The following C12orf42 variants were observed in gnomAD, a reference collection of about 807,000 sequenced individuals.
C12orf42 encodes the protein chromosome 12 open reading frame 42, also known as uncharacterized protein C12orf42.
In C12orf42, 25 loss-of-function variants were observed where a neutral mutation model predicts 21.6. The observed-to-expected ratio is 1.16, with a 90% CI of 0.84 to 1.62. The LOEUF is 1.62. Among genes scored for constraint, C12orf42 ranks in the 40% most tolerant of loss-of-function variants. The pLI is 0.00. For missense variants in C12orf42, 483 were observed against 459.3 expected (o/e 1.05, Z -0.47); for synonymous variants, 174 against 175.0 (o/e 0.99, Z 0.05).
intron 2 of C12orf42, among the ~76,000 whole-genome samples, chr12:103,411,790 A>G (rs2048869291): frequency 6.6e-6 from 1 of 152,246 alleles, no homozygotes; most frequent in Non-Finnish European, 1.5e-5. Context: ...TACCCTATCT[A>G]AAGTATTTTG....
intron 2 of C12orf42, among the ~76,000 whole-genome samples, chr12:103,445,305 G>A (rs1236933222): frequency 6.6e-6 from 1 of 152,068 alleles, no homozygotes; most frequent in East Asian, 1.9e-4. Context: ...GTTGATTGTT[G>A]TGGTGTGAGA....
the C12orf42 span, among the ~76,000 whole-genome samples, chr12:103,074,384 T>C: frequency 2.0e-5 from 3 of 152,164 alleles, no homozygotes; most frequent in Non-Finnish European, 4.4e-5. Flanking sequence ...GTAGAGTAGA[T>C]AGCTCCTGTC....
At chr12:103,087,607 C>T in the C12orf42 span, among the ~76,000 whole-genome samples, 1 of 152,222 alleles carries the variant, frequency 6.6e-6, no homozygotes, top group South Asian at 2.1e-4. Context: ...ATAACACTTA[C>T]TGAGCACTTA....
At chr12:103,397,188 A>G (rs963478531) in intron 3 of C12orf42, among the ~76,000 whole-genome samples, 3 of 152,210 alleles carry the variant, frequency 2.0e-5, no homozygotes, top group Non-Finnish European at 2.9e-5. Flanking sequence ...TATAGCTTCA[A>G]TTTATTCCTT....
At chr12:103,562,066 A>T in the C12orf42 span, among the ~76,000 whole-genome samples, 12 of 152,226 alleles carry the variant, frequency 7.9e-5, no homozygotes, top group Admixed American at 7.9e-4. Context: ...CTGCTGCAGG[A>T]GGATTTCTGA....
the C12orf42 span, among the ~76,000 whole-genome samples, chr12:103,080,244 G>T: frequency 4.6e-5 from 7 of 152,246 alleles, no homozygotes; most frequent in African/African-American, 7.2e-5. Context: ...GTCCAATGGC[G>T]ATAGATGTGA....
intron 5 of C12orf42, chr12:103,270,285 G>A (rs541866627): frequency 6.7e-6 from 1 of 149,926 alleles, no homozygotes; most frequent in African/African-American, 2.4e-5. Flanking sequence ...GAGTTTACAG[G>A]CACAAAGGGA....
At chr12:103,543,716 G>T in the C12orf42 span, among the ~76,000 whole-genome samples, 4 of 151,948 alleles carry the variant, frequency 2.6e-5, no homozygotes, top group Admixed American at 2.6e-4. Context: ...TCACCATAAA[G>T]GTTTTATACA....
Position 103,278,914 on chromosome 12 carries a change from T to C in C12orf42, n.338-1704A>G, listed in dbSNP as rs181044389. ...TCCTGAATGTTCCTGTCAGCCATTATTCTCCTCCCTGCATCTGAGTTTGAC... is the reference window on the plus strand; with the variant it reads ...TCCTGAATGTTCCTGTCAGCCATTACTCTCCTCCCTGCATCTGAGTTTGAC... On this transcript the variant is annotated intron_variant and non_coding_transcript_variant, in intron 4 of 6. Coordinates refer to the C12orf42 transcript ENST00000546526. Among the ~76,000 whole-genome samples the C allele has an allele frequency of 3.9e-5, 6 of 152,332 alleles. No individual in the cohort carries two copies. In the East Asian group the frequency reaches 7.7e-4, roughly 20 times the overall value.
intron 2 of C12orf42, among the ~76,000 whole-genome samples, chr12:103,414,438 G>A (rs140955499): frequency 6.6e-6 from 1 of 152,120 alleles, no homozygotes; most frequent in Non-Finnish European, 1.5e-5. Flanking sequence ...GAATAACATT[G>A]GTAGTTTGAT....
At chr12:103,080,050 T>G in the C12orf42 span, among the ~76,000 whole-genome samples, 1 of 152,086 alleles carries the variant, frequency 6.6e-6, no homozygotes, top group African/African-American at 2.4e-5. Context: ...ATACACCAAG[T>G]AGTTTGTCTT....
chr12:103,201,113 A>G, the C12orf42 span, among the ~76,000 whole-genome samples: 1 of 152,334 alleles, frequency 6.6e-6, no homozygotes, highest in East Asian at 1.9e-4. Context: ...CAATTTTTGA[A>G]GCATTAGCTG....
At chr12:103,234,500 C>A (rs1307562113), downstream of C12orf42, among the ~76,000 whole-genome samples, 1 of 152,106 alleles carries the variant, frequency 6.6e-6, no homozygotes, top group Non-Finnish European at 1.5e-5. Flanking sequence ...GCCAAATGGA[C>A]CCTCACCCTG....
the C12orf42 span, among the ~76,000 whole-genome samples, chr12:103,518,369 T>C: frequency 2.2e-4 from 33 of 152,292 alleles, no homozygotes; most frequent in Non-Finnish European, 4.7e-4. Flanking sequence ...ACCACCACCA[T>C]TCAGCATCAA....
chr12:103,272,419 A>C (rs1420175915), intron 5 of C12orf42, among the ~76,000 whole-genome samples: 1 of 152,156 alleles, frequency 6.6e-6, no homozygotes, highest in Non-Finnish European at 1.5e-5. Context: ...GAGGCCCACA[A>C]AACAATTTCA....
At chr12:103,323,673 T>C (rs2040403201) in intron 4 of C12orf42, among the ~76,000 whole-genome samples, 1 of 152,240 alleles carries the variant, frequency 6.6e-6, no homozygotes, top group African/African-American at 2.4e-5. Context: ...TTCTCTCGAA[T>C]ATGTAAAAGT....
At chr12:103,554,379 T>G in the C12orf42 span, among the ~76,000 whole-genome samples, 1 of 152,280 alleles carries the variant, frequency 6.6e-6, no homozygotes, top group African/African-American at 2.4e-5. Context: ...TTTGTGCTAG[T>G]CAGCCAAAAG....
chr12:103,190,468 C>T, the C12orf42 span, among the ~76,000 whole-genome samples: 134 of 152,256 alleles, frequency 8.8e-4, no homozygotes, highest in Non-Finnish European at 1.5e-3. Context: ...TCAATCCAGT[C>T]AAGTTGACAT....
the C12orf42 span, among the ~76,000 whole-genome samples, chr12:103,559,973 TA>T: frequency 1.3e-5 from 2 of 152,180 alleles, no homozygotes; most frequent in Non-Finnish European, 2.9e-5. Context: ...GTTAAAGCAC[TA>T]GGGGGAAAAA....
Sources: allele counts gnomAD v4.1 joint callset (sites outside exome capture counted in the v4.1 genomes callset), GRCh38; gene constraint gnomAD v4.1.1; transcripts MANE v1.5; gene names NCBI Gene and HGNC (gene_info 2026-07-23, HGNC 2026-07-21).